The following SPATS2 variants were observed in gnomAD, a reference collection of about 807,000 sequenced individuals.
SPATS2 encodes the protein spermatogenesis associated serine rich 2.
In SPATS2, 38 loss-of-function variants were observed where a neutral mutation model predicts 63.7. That is an observed-to-expected ratio of 0.60 (90% CI 0.46 to 0.78). The LOEUF (loss-of-function observed/expected upper bound fraction) is 0.78, where lower values mean the gene tolerates loss of function less well. Ranked by LOEUF, SPATS2 falls within the 30% of genes least tolerant of loss-of-function variation. The pLI, the probability that SPATS2 is intolerant of heterozygous loss-of-function variation, is 0.00. For synonymous variants in SPATS2, 207 were observed against 232.9 expected, an observed-to-expected ratio of 0.89 and a Z score of 1.01; for missense variants, 588 against 666.2, an observed-to-expected ratio of 0.88 and a Z score of 1.29.
At chr12:49,523,578 A>G (rs1946978911) in intron 12 of SPATS2, among the ~76,000 whole-genome samples, 1 of 152,148 alleles carries the variant, frequency 6.6e-6, no homozygotes, top group African/African-American at 2.4e-5. Flanking sequence ...AGGATAGGGG[A>G]GTGCCTGTGA....
At chr12:49,490,971 G>A (rs1346298618) in intron 6 of SPATS2, 10 of 350,428 alleles carry the variant, frequency 2.9e-5, no homozygotes, top group African/African-American at 1.1e-4. Flanking sequence ...GTGAAGTCCC[G>A]TCTCTACTAA....
At chr12:49,505,541 G>A (rs1330509962) in intron 9 of SPATS2, among the ~76,000 whole-genome samples, 3 of 152,074 alleles carry the variant, frequency 2.0e-5, no homozygotes, top group African/African-American at 7.2e-5. Context: ...AATCCAAACT[G>A]CTCCAATGAG....
At chr12:49,414,852 G>A (rs1031541165) in intron 2 of SPATS2, among the ~76,000 whole-genome samples, 1 of 151,644 alleles carries the variant, frequency 6.6e-6, no homozygotes, top group East Asian at 1.9e-4. Flanking sequence ...TCCTACCTTG[G>A]CCCCACAAAG....
Position 49,460,752 on chromosome 12 carries a change from T to G in SPATS2, c.-243-18T>G. The G allele has an allele frequency of 1.9e-6, 1 of 513,232 alleles. No individual in the cohort carries two copies. The highest frequency in any genetic ancestry group is 2.3e-5 in the South Asian group (1 of 42,674). The allele number at this position is 513,232 out of a possible 1,614,324, so 31.8% of individuals were successfully genotyped here. On this transcript the variant is annotated intron_variant, in intron 2 of 13. Transcript: ENST00000552918. Reference sequence around the variant, plus strand: ...CATTACTGTAATAGTATATGTGTGTTTGTGTTTTTCCCTCCAGAATCTCCC... The same window carrying G: ...CATTACTGTAATAGTATATGTGTGTGTGTGTTTTTCCCTCCAGAATCTCCC...
intron 2 of SPATS2, among the ~76,000 whole-genome samples, chr12:49,413,247 A>G (rs1221610113): frequency 6.6e-6 from 1 of 152,134 alleles, no homozygotes; most frequent in Non-Finnish European, 1.5e-5. Context: ...GTACTTACAT[A>G]TCTGACAGGA....
intron 9 of SPATS2, among the ~76,000 whole-genome samples, chr12:49,510,638 A>G (rs1240526823): frequency 6.6e-6 from 1 of 151,892 alleles, no homozygotes; most frequent in African/African-American, 2.4e-5. Flanking sequence ...AGTATTATTG[A>G]ATGGTTTTGA....
intron 3 of SPATS2, among the ~76,000 whole-genome samples, chr12:49,467,543 A>C (rs571346510): frequency 1.1e-4 from 16 of 152,176 alleles, no homozygotes; most frequent in African/African-American, 3.6e-4. Context: ...AGATTAGGGA[A>C]GGATGAGATC....
intron 10 of SPATS2, 67 bp from the exon 11 acceptor site, chr12:49,519,006 A>AT: frequency 7.6e-7 from 1 of 1,315,758 alleles, no homozygotes; most frequent in Non-Finnish European, 1.1e-6. Flanking sequence ...TGCAAGGCTT[A>AT]TATTTCTAGT....
chr12:49,503,356 CAAAG>C (rs933518779), intron 9 of SPATS2, among the ~76,000 whole-genome samples: 1 of 119,354 alleles, frequency 8.4e-6, no homozygotes, highest in African/African-American at 3.2e-5. Flanking sequence ...TCTCAAAAAA[CAAAG>C]AAAAAAGAGC....
At chr12:49,467,491 C>T (rs1945944007) in intron 3 of SPATS2, among the ~76,000 whole-genome samples, 1 of 152,114 alleles carries the variant, frequency 6.6e-6, no homozygotes, top group Non-Finnish European at 1.5e-5. Flanking sequence ...ATTGCTAATG[C>T]ACTTTACATT....
At chr12:49,367,995 CCTT>C (rs1943932018) in intron 1 of SPATS2, among the ~76,000 whole-genome samples, 1 of 152,056 alleles carries the variant, frequency 6.6e-6, no homozygotes, top group African/African-American at 2.4e-5. Context: ...TGTGCGAGGT[CCTT>C]AGCATTCGGG....
At chr12:49,432,808 T>C (rs1186890358) in intron 2 of SPATS2, among the ~76,000 whole-genome samples, 2 of 152,238 alleles carry the variant, frequency 1.3e-5, no homozygotes, top group Non-Finnish European at 2.9e-5. Context: ...TACCACATTT[T>C]ATCTATTCAT....
intron 3 of SPATS2, chr12:49,462,827 C>T (rs1267665990): frequency 1.2e-5 from 3 of 251,670 alleles, no homozygotes; most frequent in Non-Finnish European, 2.3e-5. Context: ...TCCTGACGTC[C>T]AGCTAGTTCT....
intron 2 of SPATS2, among the ~76,000 whole-genome samples, chr12:49,437,101 C>T (rs905776656): frequency 2.1e-4 from 32 of 152,058 alleles, no homozygotes; most frequent in African/African-American, 7.7e-4. Flanking sequence ...AGGGGCTCCT[C>T]ACTTTTCAGA....
chr12:49,383,910 T>A (rs1944266124), intron 2 of SPATS2, among the ~76,000 whole-genome samples: 1 of 152,208 alleles, frequency 6.6e-6, no homozygotes, highest in South Asian at 2.1e-4. Flanking sequence ...AACATTTTGG[T>A]GAATACTACT....
rs1355978331 is a variant in SPATS2, at chr12:49,489,447, C to A, written c.106-18C>A. 5 of 1,604,242 alleles carry A rather than the reference C, an allele frequency of 3.1e-6. No homozygotes were observed. Among genetic ancestry groups the A allele is most frequent in the Admixed American group, 3.3e-5 (2 of 59,816 alleles). On this transcript the variant is annotated intron_variant, in intron 4 of 13. Coordinates refer to ENST00000552918, the MANE Select transcript of SPATS2 (RefSeq NM_023071.4). Reference sequence around the variant, plus strand: ...ACCTACTAATGTTAGAATTAAATGACCCTGTCATCTTTTCCAGATAAATGC... The same window carrying A: ...ACCTACTAATGTTAGAATTAAATGAACCTGTCATCTTTTCCAGATAAATGC...
intron 2 of SPATS2, among the ~76,000 whole-genome samples, chr12:49,417,259 G>GA (rs879519664): frequency 6.6e-6 from 1 of 152,202 alleles, no homozygotes; most frequent in Non-Finnish European, 1.5e-5. Context: ...GGATTAGCTT[G>GA]AATCCATAAG....
At chr12:49,502,399 C>CT (rs145603658) in intron 9 of SPATS2, among the ~76,000 whole-genome samples, 29 of 152,320 alleles carry the variant, frequency 1.9e-4, no homozygotes, top group South Asian at 1.2e-3. Context: ...GTCCTGAACT[C>CT]TAAGTTTTAC....
At chr12:49,397,212 C>T (rs1290148992) in intron 2 of SPATS2, among the ~76,000 whole-genome samples, 1 of 152,188 alleles carries the variant, frequency 6.6e-6, no homozygotes, top group African/African-American at 2.4e-5. Context: ...GCTGACTCCT[C>T]AGTTTGTTTC....
Sources: gnomAD v4.1 joint callset for allele counts (sites outside exome capture counted in the v4.1 genomes callset) on GRCh38, gnomAD v4.1.1 for gene constraint, MANE v1.5 for transcripts, NCBI Gene and HGNC (gene_info 2026-07-23, HGNC 2026-07-21) for gene names.